The following ETV1 variants were observed in gnomAD, a reference collection of about 807,000 sequenced individuals.
ETV1 encodes ETS variant transcription factor 1.
ETV1 carries 27 observed loss-of-function variants against 62.3 expected under a neutral mutation model. The ratio of observed to expected loss-of-function variants is 0.43; its 90% confidence interval spans 0.32 to 0.60. ETV1 has a LOEUF of 0.60. ETV1 is among the 20% of genes least tolerant of loss of function. The probability of loss-of-function intolerance (pLI) is 0.06; values close to 1 mark genes in which losing one functional copy is unlikely to be tolerated. For missense variants in ETV1, 605 were observed against 605.8 expected, an observed-to-expected ratio of 1.00 and a Z score of 0.01; for synonymous variants, 222 against 199.6, an observed-to-expected ratio of 1.11 and a Z score of -0.94.
intron 9 of ETV1, among the ~76,000 whole-genome samples, chr7:13,930,148 G>C (rs545746383): frequency 2.8e-4 from 42 of 152,262 alleles, no homozygotes; most frequent in African/African-American, 1.0e-3. Context: ...CAGGTACATG[G>C]TAACCTTATA....
intron 5 of ETV1, among the ~76,000 whole-genome samples, chr7:13,985,707 C>A (rs886618489): frequency 1.3e-5 from 2 of 152,108 alleles, no homozygotes; most frequent in African/African-American, 4.8e-5. Context: ...TATAATTTTT[C>A]TCTTTGTATT....
chr7:13,921,362 T>C (rs776960404), intron 9 of ETV1, among the ~76,000 whole-genome samples: 13 of 152,150 alleles, frequency 8.5e-5, no homozygotes, highest in Non-Finnish European at 1.9e-4. Flanking sequence ...GAGGAAGCAA[T>C]ATATAAGCAA....
intron 3 of ETV1, chr7:13,988,620 GAAA>G (rs11460974): frequency 6.4e-6 from 7 of 1,095,878 alleles, no homozygotes; most frequent in Non-Finnish European, 8.2e-6. Flanking sequence ...GAGAAAATGA[GAAA>G]AAAAAAAGAA....
chr7:13,933,473 C>G (rs987140515), intron 8 of ETV1, among the ~76,000 whole-genome samples: 2 of 152,154 alleles, frequency 1.3e-5, no homozygotes, highest in Non-Finnish European at 2.9e-5. Flanking sequence ...GAAAGAGAGA[C>G]AGGGCTCCTG....
chr7:13,954,157 T>C (rs565419981), intron 6 of ETV1, among the ~76,000 whole-genome samples: 119 of 152,288 alleles, frequency 7.8e-4, no homozygotes, highest in African/African-American at 2.7e-3. Context: ...TAACAACAAG[T>C]AGTCCAATAA....
intron 13 of ETV1, among the ~76,000 whole-genome samples, chr7:13,897,295 T>C (rs1781948876): frequency 6.6e-6 from 1 of 152,220 alleles, no homozygotes; most frequent in African/African-American, 2.4e-5. Flanking sequence ...CATTTGCTAG[T>C]TGATTTTTGA....
chr7:13,965,884 CG>C (rs1790724456), intron 6 of ETV1, among the ~76,000 whole-genome samples: 1 of 152,048 alleles, frequency 6.6e-6, no homozygotes, highest in African/African-American at 2.4e-5. Context: ...TGCATGAATA[CG>C]TTTTTTAAAA....
intron 5 of ETV1, 116 bp from the exon 6 acceptor site, chr7:13,977,596 T>G: frequency 1.5e-6 from 1 of 687,004 alleles, no homozygotes. Flanking sequence ...AACCTATGAT[T>G]ATTTGCCAAT....
chr7:13,917,437 C>G (rs1156291438), intron 9 of ETV1, among the ~76,000 whole-genome samples: 1 of 151,890 alleles, frequency 6.6e-6, no homozygotes, highest in African/African-American at 2.4e-5. Flanking sequence ...CCCGCCTCAG[C>G]CTCCCTAGTA....
chr7:13,936,846 G>C lies in ETV1; in HGVS notation c.366-950C>G, dbSNP rs541082249. 5.3e-5 allele frequency among the ~76,000 whole-genome samples: 8 copies of C among 152,070 alleles called. No individual in the cohort carries two copies. In the South Asian group the frequency reaches 1.7e-3, roughly 32 times the overall value. ...GCTTAAGCACGGGAGTTTAAGACCA[G>C]CCTGAGCAACATGGTGAAACCCCGT... On this transcript the variant is annotated intron_variant, in intron 7 of 13. Coordinates refer to ENST00000430479, the MANE Select transcript of ETV1 (RefSeq NM_004956.5).
chr7:13,922,106 A>T (rs1366006796), intron 9 of ETV1, among the ~76,000 whole-genome samples: 4 of 152,208 alleles, frequency 2.6e-5, no homozygotes, highest in Non-Finnish European at 4.4e-5. Context: ...TATAAAATTC[A>T]TAATAGATTG....
At position 13,988,166 on chromosome 7, in the gene ETV1, C is replaced by T. The variant is rs1338879591; in HGVS notation, c.53G>A (p.Arg18His). 2 of 1,607,194 alleles carry T rather than the reference C, an allele frequency of 1.2e-6. No homozygotes were observed. Among genetic ancestry groups the T allele is most frequent in the African/African-American group, 1.3e-5 (1 of 74,820 alleles). The change falls in exon 4 of 14, where the codon CGT becomes CAT. Residue 18 changes from arginine to histidine, a missense_variant. Coordinates refer to ENST00000430479, the MANE Select transcript of ETV1 (RefSeq NM_004956.5). ...TGGTTTCTCGTTACAATTTCTCCCA[C>T]GCTGACTCTACAAAGGGAAAGATAA... ...QVPYMVTNSQ[R>H]GRNCNEKPTN...
chr7:13,942,339 T>C (rs1287252051), intron 6 of ETV1, among the ~76,000 whole-genome samples: 1 of 141,294 alleles, frequency 7.1e-6, no homozygotes, highest in African/African-American at 2.5e-5. Flanking sequence ...TTTAAACAAG[T>C]GGTTTTCGAT....
intron 6 of ETV1, among the ~76,000 whole-genome samples, chr7:13,952,139 A>G (rs530457652): frequency 6.6e-6 from 1 of 152,330 alleles, no homozygotes; most frequent in African/African-American, 2.4e-5. Flanking sequence ...CCTGGAAGAA[A>G]GAACACTGGA....
At chr7:13,951,626 G>A (rs1788825649) in intron 6 of ETV1, among the ~76,000 whole-genome samples, 1 of 152,166 alleles carries the variant, frequency 6.6e-6, no homozygotes, top group South Asian at 2.1e-4. Context: ...TACGAACATG[G>A]AGACTAAATC....
intron 6 of ETV1, among the ~76,000 whole-genome samples, chr7:13,952,169 T>C (rs1185419579): frequency 3.3e-5 from 5 of 152,200 alleles, no homozygotes; most frequent in Non-Finnish European, 5.9e-5. Context: ...GAGTAATCTC[T>C]ACCCAGTTCC....
intron 6 of ETV1, among the ~76,000 whole-genome samples, chr7:13,965,915 A>T (rs1305079748): frequency 2.6e-5 from 4 of 152,228 alleles, no homozygotes; most frequent in Admixed American, 2.6e-4. Flanking sequence ...CTAAATACCC[A>T]AGAAACTATT....
chr7:13,979,501 G>T (rs1583883082), intron 5 of ETV1, among the ~76,000 whole-genome samples: 1 of 143,752 alleles, frequency 7.0e-6, no homozygotes, highest in African/African-American at 2.4e-5. Flanking sequence ...ACAAGGCGAA[G>T]GGTGTGCTTT....
intron 6 of ETV1, among the ~76,000 whole-genome samples, chr7:13,953,137 C>T (rs1052428374): frequency 6.6e-6 from 1 of 152,132 alleles, no homozygotes; most frequent in African/African-American, 2.4e-5. Flanking sequence ...GAAACAAATT[C>T]TGTACAGGGA....
Sources: allele counts gnomAD v4.1 joint callset (sites outside exome capture counted in the v4.1 genomes callset), GRCh38; gene constraint gnomAD v4.1.1; transcripts MANE v1.5; gene names NCBI Gene and HGNC (gene_info 2026-07-23, HGNC 2026-07-21).